The following CTNNA2 variants were observed in gnomAD, a reference collection of about 807,000 sequenced individuals.
The protein encoded by CTNNA2 is catenin alpha-2.
Under a neutral mutation model 101.0 loss-of-function variants are expected in CTNNA2, and 42 were observed. That is an observed-to-expected ratio of 0.42 (90% CI 0.32 to 0.54). The LOEUF is 0.54. Among genes scored for constraint, CTNNA2 ranks in the 20% least tolerant of loss-of-function variants. The probability of loss-of-function intolerance (pLI) is 0.14; values close to 1 mark genes in which losing one functional copy is unlikely to be tolerated. For missense variants in CTNNA2, 871 were observed against 1,223.1 expected, an observed-to-expected ratio of 0.71 and a Z score of 4.29; for synonymous variants, 450 against 456.4, an observed-to-expected ratio of 0.99 and a Z score of 0.18.
chr2:80,546,473 T>C (rs993112078), intron 11 of CTNNA2, among the ~76,000 whole-genome samples: 8 of 151,812 alleles, frequency 5.3e-5, no homozygotes, highest in African/African-American at 1.9e-4. Context: ...TTTTGTTTTG[T>C]TTTTTTTCCA....
chr2:79,855,433 G>T (rs180902000), intron 3 of CTNNA2, among the ~76,000 whole-genome samples: 2 of 152,190 alleles, frequency 1.3e-5, no homozygotes, highest in African/African-American at 2.4e-5. Context: ...CGATGGTGCC[G>T]CTAAGACAGA....
chr2:80,131,844 C>G (rs1243164587), intron 7 of CTNNA2, among the ~76,000 whole-genome samples: 1 of 152,044 alleles, frequency 6.6e-6, no homozygotes, highest in South Asian at 2.1e-4. Flanking sequence ...ACTTTGGGAG[C>G]CTGAGGCAGG....
At chr2:79,756,954 A>T (rs1373550588) in intron 3 of CTNNA2, among the ~76,000 whole-genome samples, 2 of 152,224 alleles carry the variant, frequency 1.3e-5, no homozygotes, top group Non-Finnish European at 2.9e-5. Flanking sequence ...AGGAGATCTC[A>T]TTCATTCAGA....
intron 2 of CTNNA2, among the ~76,000 whole-genome samples, chr2:79,236,237 A>G (rs1010678496): frequency 6.6e-6 from 1 of 152,152 alleles, no homozygotes; most frequent in Admixed American, 6.5e-5. Context: ...GGCTCAAGCA[A>G]TCTTCCCCGC....
intron 2 of CTNNA2, among the ~76,000 whole-genome samples, chr2:79,663,184 G>C (rs1354455417): frequency 6.6e-6 from 1 of 152,072 alleles, no homozygotes; most frequent in African/African-American, 2.4e-5. Flanking sequence ...CTAAAGTCCT[G>C]GTTCCAAACA....
intron 1 of CTNNA2, among the ~76,000 whole-genome samples, chr2:79,582,641 A>G (rs1195989084): frequency 6.6e-6 from 1 of 152,098 alleles, no homozygotes; most frequent in African/African-American, 2.4e-5. Flanking sequence ...TTAAATATAT[A>G]TATATTTGTA....
rs1355115850 is a variant in CTNNA2, at chr2:80,357,264, TG to T, written c.1057-35946del. Reference sequence around the variant, plus strand: ...TGTTTTTTTTTTGTTTGTTTGTTTTTGTTTTTTTATTTTTTATTTTTTTTTG... The same window carrying T: ...TGTTTTTTTTTTGTTTGTTTGTTTTTTTTTTTTATTTTTTATTTTTTTTTG... On this transcript the variant is annotated intron_variant, in intron 7 of 18. Transcript: ENST00000402739. 3.2e-3 allele frequency among the ~76,000 whole-genome samples: 492 copies of T among 151,594 alleles called. 1 individual carries two copies. The highest frequency in any genetic ancestry group is 5.2e-3 in the Non-Finnish European group (353 of 67,964).
intron 7 of CTNNA2, among the ~76,000 whole-genome samples, chr2:79,995,002 CA>C (rs1257394636): frequency 6.6e-6 from 1 of 152,136 alleles, no homozygotes; most frequent in African/African-American, 2.4e-5. Context: ...GGGATGCAAT[CA>C]GTAGTATCCA....
At chr2:80,442,615 AT>A (rs1006988059) in intron 9 of CTNNA2, among the ~76,000 whole-genome samples, 14 of 152,110 alleles carry the variant, frequency 9.2e-5, no homozygotes, top group Admixed American at 9.2e-4. Flanking sequence ...GGGTGATAGA[AT>A]TTTAGGCCAT....
At chr2:80,076,394 T>G (rs1370702537) in intron 7 of CTNNA2, among the ~76,000 whole-genome samples, 1 of 152,038 alleles carries the variant, frequency 6.6e-6, no homozygotes, top group Non-Finnish European at 1.5e-5. Context: ...TCCTCCCTGC[T>G]CAGCCTCCCT....
chr2:80,552,452 G>A (rs12612221), intron 11 of CTNNA2, among the ~76,000 whole-genome samples: 148,360 of 152,326 alleles, frequency 0.97, 72,267 homozygotes, highest in East Asian at 1. Flanking sequence ...TTACATGTCT[G>A]CCATCCATCA....
At chr2:79,867,345 G>A (rs2974160) in intron 4 of CTNNA2, among the ~76,000 whole-genome samples, 5,698 of 104,730 alleles carry the variant, frequency 0.054, 291 homozygotes, top group African/African-American at 0.15. Flanking sequence ...CTATCTATCT[G>A]TCTATCTATC....
intron 9 of CTNNA2, among the ~76,000 whole-genome samples, chr2:80,421,042 C>T (rs7598953): frequency 0.027 from 4,176 of 152,144 alleles, 194 homozygotes; most frequent in African/African-American, 0.094. Flanking sequence ...ATTTAGGGAT[C>T]CAGAGTCTTT....
At chr2:80,591,896 C>T (rs1696545351) in intron 15 of CTNNA2, among the ~76,000 whole-genome samples, 1 of 152,140 alleles carries the variant, frequency 6.6e-6, no homozygotes, top group South Asian at 2.1e-4. Context: ...GATTAGGCCT[C>T]ATGTCTTTTT....
At chr2:80,453,894 C>A (rs189062842) in intron 9 of CTNNA2, among the ~76,000 whole-genome samples, 1 of 152,212 alleles carries the variant, frequency 6.6e-6, no homozygotes, top group Non-Finnish European at 1.5e-5. Flanking sequence ...CTATGGGTAC[C>A]ATTACCAGCT....
intron 2 of CTNNA2, among the ~76,000 whole-genome samples, chr2:79,216,403 C>G (rs57236290): frequency 6.7e-6 from 1 of 149,978 alleles, no homozygotes; most frequent in African/African-American, 2.5e-5. Context: ...GGTCGGGGTG[C>G]GGAAATAAAG....
chr2:79,334,867 GACA>G (rs1371645364), intron 3 of CTNNA2, among the ~76,000 whole-genome samples: 2 of 152,102 alleles, frequency 1.3e-5, no homozygotes, highest in African/African-American at 4.8e-5. Context: ...CTCCCTTGGT[GACA>G]ACATCCTTGT....
chr2:79,892,812 A>G (rs1434098), intron 6 of CTNNA2, among the ~76,000 whole-genome samples: 136,668 of 152,262 alleles, frequency 0.9, 61,582 homozygotes, highest in African/African-American at 0.97. Context: ...TCCCACTGCA[A>G]CATCCATAAC....
intron 7 of CTNNA2, among the ~76,000 whole-genome samples, chr2:80,067,037 A>T (rs2148769741): frequency 6.6e-6 from 1 of 152,330 alleles, no homozygotes; most frequent in African/African-American, 2.4e-5. Flanking sequence ...CTAAAAAAAT[A>T]GAACTCATAG....
Sources: allele counts gnomAD v4.1 joint callset (sites outside exome capture counted in the v4.1 genomes callset), GRCh38; gene constraint gnomAD v4.1.1; transcripts MANE v1.5; gene names NCBI Gene and HGNC (gene_info 2026-07-23, HGNC 2026-07-21).